OTOA: variants seen among roughly 807,000 people sequenced by gnomAD.
OTOA encodes the protein otoancorin, also known as cancer/testis antigen 108.
Under a neutral mutation model 110.8 loss-of-function variants are expected in OTOA, and 70 were observed. The observed-to-expected ratio is 0.63, with a 90% CI of 0.52 to 0.77. OTOA has a LOEUF of 0.77. Among genes scored for constraint, OTOA ranks in the 30% least tolerant of loss-of-function variants. OTOA has a pLI of 0.00. For synonymous variants in OTOA, 373 were observed against 431.5 expected (o/e 0.86, Z 1.68); for missense variants, 917 against 1,075.8 (o/e 0.85, Z 2.06).
chr16:21,722,062 CA>C (rs201830335), intron 17 of OTOA, among the ~76,000 whole-genome samples: 36 of 53,894 alleles, frequency 6.7e-4, no homozygotes, highest in African/African-American at 8.8e-4. Context: ...TTAAAAAATA[CA>C]AAAAAAAAAC....
At chr16:21,721,791 C>T (rs1898750381) in intron 17 of OTOA, among the ~76,000 whole-genome samples, 1 of 152,068 alleles carries the variant, frequency 6.6e-6, no homozygotes, top group Non-Finnish European at 1.5e-5. Flanking sequence ...ACTTGGGAAA[C>T]TGAGGCAGGA....
At chr16:21,718,371 G>A (rs1898621890) in intron 15 of OTOA, among the ~76,000 whole-genome samples, 1 of 152,092 alleles carries the variant, frequency 6.6e-6, no homozygotes, top group Admixed American at 6.6e-5. Flanking sequence ...CCATGGGAGG[G>A]TCCCAGAATT....
intron 18 of OTOA, among the ~76,000 whole-genome samples, chr16:21,724,232 G>A (rs1449189634): frequency 1.3e-5 from 2 of 152,122 alleles, no homozygotes; most frequent in African/African-American, 4.8e-5. Context: ...CCTTCCAAAG[G>A]AGAGGCAAAG....
In OTOA at chr16:21,760,545, C is replaced by T. The variant is rs1365215254; in HGVS notation, c.*5C>T. 3 of 1,605,332 alleles carry T rather than the reference C, an allele frequency of 1.9e-6. No homozygotes were observed. The highest frequency in any genetic ancestry group is 2.5e-6 in the Non-Finnish European group (3 of 1,176,586). On this transcript the variant is annotated 3_prime_UTR_variant, in exon 29 of 29. Transcript: ENST00000646100. Reference sequence around the variant, plus strand: ...ATGGCCAAGCTCCTGTGGTGAGTGGCCTGAGCGCATCGTCCTGTGTTGCCC... The same window carrying T: ...ATGGCCAAGCTCCTGTGGTGAGTGGTCTGAGCGCATCGTCCTGTGTTGCCC...
intron 12 of OTOA, 34 bp downstream of exon 12, chr16:21,705,326 C>T: frequency 6.2e-7 from 1 of 1,612,960 alleles, no homozygotes; most frequent in Non-Finnish European, 8.5e-7. Flanking sequence ...GAGGCCTCTG[C>T]CTCAGTGTCA....
Position 21,701,016 on chromosome 16 carries a change from C to G in OTOA, c.969C>G (p.Ser323=). Residue 323 remains serine (S), a synonymous_variant, in exon 11 of 29, where the codon TCC becomes TCG. Transcript: ENST00000646100. ...SSSNFNMRNT[S]TIHRLGLLVC... is the part of the protein sequence containing the mutation. ...CCAACTTTAACATGAGGAATACCTC[C>G]ACCATCCACAGGCAAGCGCATGAGC... 6.2e-7 allele frequency: 1 copy of G among 1,614,178 alleles called. No individual in the cohort carries two copies. Among genetic ancestry groups the G allele is most frequent in the Non-Finnish European group, 8.5e-7 (1 of 1,180,040 alleles).
At chr16:21,673,019 A>G (rs1966851401) in intron 1 of OTOA, among the ~76,000 whole-genome samples, 2 of 152,260 alleles carry the variant, frequency 1.3e-5, no homozygotes, top group South Asian at 4.1e-4. Flanking sequence ...ATGGTAGTGC[A>G]TGCCTGTAGT....
rs201174816 is a variant in OTOA at position 21,739,545 on chromosome 16, G to A, written c.2432-1176G>A. Among the ~76,000 whole-genome samples, 3,387 of 150,152 alleles carry A rather than the reference G, an allele frequency of 0.023. No individual in the cohort carries two copies. The East Asian group carries it at 0.23, about 10-fold the overall frequency. ...GGGAAATACCCTGGCCTTGGGTGGG[G>A]TTGGTGCATCTGTCAGCATCAGTGG... On this transcript the variant is annotated intron_variant, in intron 22 of 28. Transcript: ENST00000646100.
chr16:21,714,924 T>G, intron 13 of OTOA, 61 bp from the exon 14 acceptor site: 1 of 1,608,504 alleles, frequency 6.2e-7, no homozygotes, highest in Non-Finnish European at 8.5e-7. Flanking sequence ...ATGGGCTGAG[T>G]GCACGTTGGA....
chr16:21,730,938 T>G lies in OTOA; in HGVS notation c.2301+8T>G, dbSNP rs774442603. 1 of 1,415,416 alleles carries G rather than the reference T, an allele frequency of 7.1e-7. No individual in the cohort carries two copies. Among genetic ancestry groups the G allele is most frequent in the African/African-American group, 1.4e-5 (1 of 72,428 alleles). The allele number at this position is 1,415,416 out of a possible 1,614,324, so 87.7% of individuals were successfully genotyped here. ...AGCTCTATAGCCACAAAGGTAATGT[T>G]GTGCTCCATCTTAAGAAGGCTGAAG... On this transcript the variant is annotated splice_region_variant and intron_variant, in intron 21 of 28. Transcript: ENST00000646100.
At chr16:21,714,387 C>CTT (rs756550566) in intron 13 of OTOA, among the ~76,000 whole-genome samples, 1 of 128,892 alleles carries the variant, frequency 7.8e-6, no homozygotes, top group South Asian at 2.6e-4. Flanking sequence ...TTCTCTCTTT[C>CTT]TCTCTTTCTT....
chr16:21,731,679 A>G (rs972823067), intron 21 of OTOA, among the ~76,000 whole-genome samples: 7 of 152,158 alleles, frequency 4.6e-5, no homozygotes, highest in Non-Finnish European at 8.8e-5. Context: ...ACCAACTTTA[A>G]TGGGGCAGGA....
At chr16:21,692,047 C>A (rs1897840217) in intron 9 of OTOA, among the ~76,000 whole-genome samples, 1 of 152,148 alleles carries the variant, frequency 6.6e-6, no homozygotes, top group Admixed American at 6.5e-5. Context: ...AGAGAAGAGG[C>A]TGGGCGTGGT....
At chr16:21,675,300 C>T (rs1438504811) in intron 1 of OTOA, among the ~76,000 whole-genome samples, 5 of 141,308 alleles carry the variant, frequency 3.5e-5, no homozygotes, top group African/African-American at 1.0e-4. Flanking sequence ...AGCCACCACA[C>T]CTGGCTATTT....
At chr16:21,676,149 G>C (rs1300664953) in intron 1 of OTOA, among the ~76,000 whole-genome samples, 1 of 152,142 alleles carries the variant, frequency 6.6e-6, no homozygotes, top group South Asian at 2.1e-4. Context: ...AAACTCCTGA[G>C]CTCAGACAAT....
intron 21 of OTOA, among the ~76,000 whole-genome samples, chr16:21,733,344 A>G (rs1261840949): frequency 4.0e-5 from 6 of 149,580 alleles, no homozygotes; most frequent in African/African-American, 1.5e-4. Context: ...TCAGCTGCAC[A>G]TTAGAATCAC....
intron 21 of OTOA, among the ~76,000 whole-genome samples, chr16:21,733,640 C>A (rs897469113): frequency 4.7e-5 from 7 of 149,806 alleles, no homozygotes; most frequent in East Asian, 2.0e-4. Context: ...AATAAAATCC[C>A]AAGTCTTGAC....
chr16:21,700,724 C>A (rs1003318896), intron 10 of OTOA, among the ~76,000 whole-genome samples, 164 bp from the exon 11 acceptor site: 494 of 115,550 alleles, frequency 4.3e-3, no homozygotes, highest in Admixed American at 5.1e-3. Flanking sequence ...GACTCCATCT[C>A]AAAAAAAAAA....
intron 10 of OTOA, among the ~76,000 whole-genome samples, chr16:21,699,086 G>A (rs1355979887): frequency 6.6e-6 from 1 of 152,026 alleles, no homozygotes; most frequent in East Asian, 1.9e-4. Flanking sequence ...GAGTAGCTGG[G>A]ATTACAGGCA....
Sources: gnomAD v4.1 joint callset for allele counts (sites outside exome capture counted in the v4.1 genomes callset) on GRCh38, gnomAD v4.1.1 for gene constraint, MANE v1.5 for transcripts, NCBI Gene and HGNC (gene_info 2026-07-23, HGNC 2026-07-21) for gene names.